Variants in RNF150 observed in about 807,000 individuals in gnomAD.
RNF150 encodes the protein ring finger protein 150.
In RNF150, 24 loss-of-function variants were observed where a neutral mutation model predicts 39.3. The observed-to-expected ratio is 0.61, with a 90% confidence interval of 0.44 to 0.86. The LOEUF (loss-of-function observed/expected upper bound fraction) is 0.86, where lower values mean the gene tolerates loss of function less well. RNF150 is among the 40% of genes least tolerant of loss of function. The pLI is 0.00. For missense variants in RNF150, 502 were observed against 587.8 expected (o/e 0.85, Z 1.51); for synonymous variants, 255 against 227.3 (o/e 1.12, Z -1.10).
intron 6 of RNF150, among the ~76,000 whole-genome samples, chr4:140,891,585 T>C (rs1729755095): frequency 6.6e-6 from 1 of 152,162 alleles, no homozygotes; most frequent in Non-Finnish European, 1.5e-5. Flanking sequence ...CAGTTGTCCT[T>C]CCGTATCCAG....
chr4:140,966,858 A>G (rs1733263141), intron 2 of RNF150, among the ~76,000 whole-genome samples: 1 of 152,168 alleles, frequency 6.6e-6, no homozygotes, highest in Admixed American at 6.6e-5. Context: ...ATACTTACAA[A>G]TGTACTAAGT....
chr4:140,899,759 GGGA>G (rs1434933351), intron 6 of RNF150, among the ~76,000 whole-genome samples: 1 of 152,074 alleles, frequency 6.6e-6, no homozygotes, highest in East Asian at 1.9e-4. Flanking sequence ...GAGAGATGTG[GGGA>G]GGAGAATCTG....
At chr4:140,942,394 G>T (rs543346094) in intron 4 of RNF150, among the ~76,000 whole-genome samples, 1 of 152,164 alleles carries the variant, frequency 6.6e-6, no homozygotes, top group African/African-American at 2.4e-5. Context: ...TCAATGTGCC[G>T]ATGTTAAACA....
rs1294210391 is a variant in RNF150, at chr4:141,000,071, GAA to G, written c.485-32200_485-32199del. Among the ~76,000 whole-genome samples the G allele has an allele frequency of 1.7e-4, 15 of 90,612 alleles. 1 individual carries two copies. The highest frequency in any genetic ancestry group is 6.3e-4 in the African/African-American group (15 of 23,810). 59.4% of individuals were successfully genotyped at this position (90,612 alleles called of 152,430 possible). ...AGAAGAAGAAGAAGAAGAAGAAGAA[GAA>G]GAAGAAGAAGAAGGAGAAGAAGAAG... On this transcript the variant is annotated intron_variant, in intron 1 of 6. Coordinates refer to ENST00000515673, the MANE Select transcript of RNF150 (RefSeq NM_020724.2).
intron 1 of RNF150, among the ~76,000 whole-genome samples, chr4:141,154,143 C>T (rs539455947): frequency 9.5e-4 from 144 of 152,308 alleles, no homozygotes; most frequent in African/African-American, 3.2e-3. Flanking sequence ...CTATTAGACA[C>T]ATCATTTTAA....
At chr4:141,173,746 T>C (rs1727766107) in intron 1 of RNF150, among the ~76,000 whole-genome samples, 1 of 152,174 alleles carries the variant, frequency 6.6e-6, no homozygotes, top group African/African-American at 2.4e-5. Flanking sequence ...TACTTGGAAC[T>C]CCAAGGTGTC....
In RNF150 at chr4:141,024,513, G is replaced by A. The variant is rs568319424; in HGVS notation, c.485-56640C>T. Among the ~76,000 whole-genome samples, 40 of 152,156 alleles carry A rather than the reference G, an allele frequency of 2.6e-4. No individual in the cohort carries two copies. In the South Asian group the frequency reaches 3.9e-3, roughly 15 times the overall value. On this transcript the variant is annotated intron_variant, in intron 1 of 6. Transcript: ENST00000515673. ...TCATCCCAAGGCACATCAAATTATC[G>A]CTGGTTAAACACAAAACATGAACTC...
rs1176393208 is a variant in RNF150 at position 140,920,830 on chromosome 4, A to G, written c.987+5147T>C. ...AGACTGGATTAAGAAAATGTGGCAC[A>G]TATACACCATGGAATACTATGCAGC... On this transcript the variant is annotated intron_variant, in intron 5 of 6. Transcript: ENST00000515673. Among the ~76,000 whole-genome samples, 10 of 151,330 alleles carry G rather than the reference A, an allele frequency of 6.6e-5. No homozygotes were observed. The East Asian group carries it at 1.8e-3, about 27-fold the overall frequency.
In RNF150 at chr4:140,861,814, T is replaced by C. The variant is rs762350608; in HGVS notation, c.*6447A>G. 7 of 152,156 alleles carry C rather than the reference T, an allele frequency of 4.6e-5. No homozygotes were observed. The highest frequency in any genetic ancestry group is 9.7e-5 in the African/African-American group (4 of 41,442). The allele number at this position is 152,156 out of a possible 1,614,324, so 9.4% of individuals were successfully genotyped here. A position where few individuals can be genotyped will look rare whatever the true frequency, so the allele number is the denominator to read the frequency against. On this transcript the variant is annotated 3_prime_UTR_variant, in exon 7 of 7. Coordinates refer to ENST00000515673, the MANE Select transcript of RNF150 (RefSeq NM_020724.2). ...TGAGTTCAGTAAAGCGCTAGATTTG[T>C]TGGAAAGTTTTGAAGGAAAAGGGGA...
At chr4:140,941,604 T>C (rs1489435723) in intron 4 of RNF150, among the ~76,000 whole-genome samples, 1 of 152,158 alleles carries the variant, frequency 6.6e-6, no homozygotes, top group Admixed American at 6.5e-5. Context: ...AGCCAGCTAA[T>C]CTAGCTTGAC....
intron 1 of RNF150, among the ~76,000 whole-genome samples, chr4:141,170,876 A>G (rs1727705458): frequency 6.6e-6 from 1 of 152,190 alleles, no homozygotes; most frequent in South Asian, 2.1e-4. Flanking sequence ...CTCCACTGTG[A>G]CTACTTCCAC....
intron 6 of RNF150, among the ~76,000 whole-genome samples, chr4:140,901,239 C>T (rs374360791): frequency 1.1e-4 from 17 of 152,244 alleles, no homozygotes; most frequent in South Asian, 1.0e-3. Flanking sequence ...CTGCTGTTTC[C>T]GCTATTTCAT....
chr4:141,010,598 G>A (rs545710654), intron 1 of RNF150, among the ~76,000 whole-genome samples: 16 of 152,202 alleles, frequency 1.1e-4, no homozygotes, highest in African/African-American at 2.4e-4. Context: ...CAGGCTCCTC[G>A]TTGTTCTGCC....
intron 6 of RNF150, 27 bp downstream of exon 6, chr4:140,911,117 T>TGTCA: frequency 1.3e-6 from 2 of 1,579,948 alleles, no homozygotes; most frequent in Non-Finnish European, 1.7e-6. Flanking sequence ...CTTCTGGCTA[T>TGTCA]GTCACTTTAA....
At chr4:141,010,991 A>C (rs549806608) in intron 1 of RNF150, among the ~76,000 whole-genome samples, 2 of 152,144 alleles carry the variant, frequency 1.3e-5, no homozygotes. Context: ...TATAATACGT[A>C]TAACAATGGA....
Position 140,935,096 on chromosome 4 carries a change from T to C in RNF150, c.891-9023A>G, listed in dbSNP as rs1249162034. Among the ~76,000 whole-genome samples, 85 of 135,668 alleles carry C rather than the reference T, an allele frequency of 6.3e-4. 2 individuals are homozygous for C. The highest frequency in any genetic ancestry group is 2.1e-3 in the African/African-American group (77 of 36,178). The allele number at this position is 135,668 out of a possible 152,430, so 89.0% of individuals were successfully genotyped here. A position where few individuals can be genotyped will look rare whatever the true frequency, so the allele number is the denominator to read the frequency against. Reference sequence around the variant, plus strand: ...ATATATATAATATATATAATAAATATATATATAAAGTGTTATAATATATAA... The same window carrying C: ...ATATATATAATATATATAATAAATACATATATAAAGTGTTATAATATATAA... On this transcript the variant is annotated intron_variant, in intron 4 of 6. Transcript: ENST00000515673.
chr4:140,998,068 C>G (rs1046253765), intron 1 of RNF150, among the ~76,000 whole-genome samples: 3 of 152,102 alleles, frequency 2.0e-5, no homozygotes, highest in African/African-American at 7.2e-5. Context: ...TTAGGATGCC[C>G]CAATAAATAA....
At chr4:141,179,606 AGATTTGTTTCCT>A (rs1470787470) in intron 1 of RNF150, among the ~76,000 whole-genome samples, 5 of 152,090 alleles carry the variant, frequency 3.3e-5, no homozygotes, top group Non-Finnish European at 5.9e-5. Flanking sequence ...AGATTTGGGG[AGATTTGTTTCCT>A]GATTTGTTTC....
At chr4:141,036,162 T>A (rs1300601053) in intron 1 of RNF150, among the ~76,000 whole-genome samples, 1 of 152,146 alleles carries the variant, frequency 6.6e-6, no homozygotes, top group African/African-American at 2.4e-5. Context: ...CAACAACAAA[T>A]ATAGTTTCCC....
Sources: gnomAD v4.1 joint callset for allele counts (sites outside exome capture counted in the v4.1 genomes callset) on GRCh38, gnomAD v4.1.1 for gene constraint, MANE v1.5 for transcripts, NCBI Gene and HGNC (gene_info 2026-07-23, HGNC 2026-07-21) for gene names.